OGDH: variants seen among roughly 807,000 people sequenced by gnomAD.
The protein encoded by OGDH is oxoglutarate dehydrogenase.
A neutral mutation model predicts 116.6 loss-of-function variants in OGDH; 38 were observed. The observed-to-expected ratio is 0.33, with a 90% CI of 0.25 to 0.43. The LOEUF is 0.43. OGDH is among the 20% of genes least tolerant of loss of function. The pLI is 1.00. For missense variants in OGDH, 825 were observed against 1,357.2 expected (o/e 0.61, Z 6.16); for synonymous variants, 488 against 533.3 (o/e 0.92, Z 1.17).
At chr7:44,668,168 G>T (rs191439575) in intron 5 of OGDH, among the ~76,000 whole-genome samples, 3 of 152,068 alleles carry the variant, frequency 2.0e-5, no homozygotes, top group Non-Finnish European at 2.9e-5. Context: ...GCCAGGCACA[G>T]TGTCTCACGC....
At chr7:44,702,705 A>T (rs887129905) in intron 20 of OGDH, among the ~76,000 whole-genome samples, 6 of 151,804 alleles carry the variant, frequency 4.0e-5, no homozygotes, top group African/African-American at 1.2e-4. Flanking sequence ...CCATTCTCCC[A>T]CCTCAGCCTC....
At chr7:44,638,738 C>T (rs1785787173) in intron 2 of OGDH, among the ~76,000 whole-genome samples, 1 of 152,232 alleles carries the variant, frequency 6.6e-6, no homozygotes, top group South Asian at 2.1e-4. Flanking sequence ...AGCCATCAGC[C>T]ACCAGGTGCC....
intron 4 of OGDH, among the ~76,000 whole-genome samples, chr7:44,650,922 C>T (rs1345026128): frequency 6.6e-6 from 1 of 152,202 alleles, no homozygotes; most frequent in Non-Finnish European, 1.5e-5. Flanking sequence ...GCTTAGCCGC[C>T]CTTCCCACCT....
chr7:44,634,179 C>G (rs928136467), intron 2 of OGDH, among the ~76,000 whole-genome samples: 1 of 152,238 alleles, frequency 6.6e-6, no homozygotes, highest in African/African-American at 2.4e-5. Flanking sequence ...CCCTGCCATC[C>G]TCCAGTAGGC....
At chr7:44,624,014 G>A (rs919617291) in intron 1 of OGDH, among the ~76,000 whole-genome samples, 1 of 152,040 alleles carries the variant, frequency 6.6e-6, no homozygotes, top group Non-Finnish European at 1.5e-5. Flanking sequence ...GCTCGCACAG[G>A]CATCCTGTGT....
In OGDH at chr7:44,708,121, C is replaced by T; in HGVS notation, c.*122C>T. ...ACCGCCCTCCTCGCTGTGCCACCAC[C>T]CCTCCCTCTGCTCTCATAGGAGTTA... On this transcript the variant is annotated 3_prime_UTR_variant, in exon 23 of 23. Coordinates refer to ENST00000222673, the MANE Select transcript of OGDH (RefSeq NM_002541.4). The T allele has an allele frequency of 1.5e-6, 2 of 1,335,372 alleles. No homozygotes were observed. The highest frequency in any genetic ancestry group is 2.5e-4 in the Middle Eastern group (1 of 3,996). 82.7% of individuals were successfully genotyped at this position (1,335,372 alleles called of 1,614,324 possible).
intron 10 of OGDH, among the ~76,000 whole-genome samples, chr7:44,691,683 T>C (rs918613027): frequency 6.6e-6 from 1 of 151,832 alleles, no homozygotes; most frequent in African/African-American, 2.4e-5. Flanking sequence ...AAAAGATTAA[T>C]ATCCTAGGGA....
intron 2 of OGDH, among the ~76,000 whole-genome samples, chr7:44,630,176 G>C (rs183642888): frequency 1.3e-4 from 20 of 152,364 alleles, no homozygotes; most frequent in African/African-American, 4.6e-4. Flanking sequence ...TCACTCTGCA[G>C]TGTTGAAACT....
In OGDH at chr7:44,694,581, G is replaced by T; in HGVS notation, c.1668+5G>T. On this transcript the variant is annotated splice_donor_5th_base_variant and intron_variant, in intron 12 of 22. Coordinates refer to ENST00000222673, the MANE Select transcript of OGDH (RefSeq NM_002541.4). The surrounding 1 kb of genome is among the most constrained non-coding windows in gnomAD (Gnocchi z 4.2). ...GTCAACCAGCCTGAGTATGAGGTAC[G>T]TCCCTGCGGCTCTATCCCAGTGCGC... 1 of 1,613,922 alleles carries T rather than the reference G, an allele frequency of 6.2e-7. No individual in the cohort carries two copies. Among genetic ancestry groups the T allele is most frequent in the Non-Finnish European group, 8.5e-7 (1 of 1,179,852 alleles).
At chr7:44,636,063 T>C (rs994372201) in intron 2 of OGDH, among the ~76,000 whole-genome samples, 1 of 152,156 alleles carries the variant, frequency 6.6e-6, no homozygotes, top group African/African-American at 2.4e-5. Context: ...AGCCTGTGTT[T>C]AGGACTTTTA....
chr7:44,681,447 A>T (rs917916153), intron 9 of OGDH, among the ~76,000 whole-genome samples: 2 of 152,154 alleles, frequency 1.3e-5, no homozygotes, highest in African/African-American at 4.8e-5. Context: ...CCGGGTAGTC[A>T]TGTTGGAGAG....
intron 20 of OGDH, 66 bp downstream of exon 20, chr7:44,701,681 C>T: frequency 1.4e-6 from 2 of 1,415,940 alleles, no homozygotes; most frequent in Non-Finnish European, 2.0e-6. Context: ...TGCTGCTGCT[C>T]TTTTACAGCT....
At chr7:44,679,393 T>A (rs1222113248) in intron 9 of OGDH, among the ~76,000 whole-genome samples, 2 of 152,200 alleles carry the variant, frequency 1.3e-5, no homozygotes, top group South Asian at 2.1e-4. Flanking sequence ...GTCCACATGC[T>A]GCTATCCTAG....
intron 2 of OGDH, among the ~76,000 whole-genome samples, chr7:44,643,336 TAA>T (rs1488553148): frequency 6.6e-6 from 1 of 152,124 alleles, no homozygotes; most frequent in Non-Finnish European, 1.5e-5. Context: ...TTGTTTTCTT[TAA>T]GTTATTTTTT....
chr7:44,654,364 T>A (rs550594898), intron 4 of OGDH, among the ~76,000 whole-genome samples: 1 of 152,342 alleles, frequency 6.6e-6, no homozygotes, highest in South Asian at 2.1e-4. Context: ...ACTACTTAGT[T>A]CTTGCCTTTC....
chr7:44,666,893 A>G, intron 5 of OGDH, 42 bp downstream of exon 5: 1 of 1,245,276 alleles, frequency 8.0e-7, no homozygotes, highest in Non-Finnish European at 1.2e-6. Context: ...CTTCTTAAGA[A>G]CTTGTATTGG....
Position 44,634,964 on chromosome 7 carries a change from C to T in OGDH, c.223-10363C>T, listed in dbSNP as rs556197686. ...TGTTTGGACATACAGGGTAGTCACA[C>T]ATATGGGTTTTAAATCTTGTTCTTA... On this transcript the variant is annotated intron_variant, in intron 2 of 22. Transcript: ENST00000222673. Among the ~76,000 whole-genome samples, 3 of 152,352 alleles carry T rather than the reference C, an allele frequency of 2.0e-5. No individual in the cohort carries two copies. In the East Asian group the frequency reaches 5.8e-4, roughly 29 times the overall value.
intron 4 of OGDH, among the ~76,000 whole-genome samples, chr7:44,657,932 G>T (rs1270700540): frequency 2.0e-5 from 3 of 152,044 alleles, no homozygotes; most frequent in African/African-American, 4.8e-5. Context: ...TTGTACTTTT[G>T]CCAAAAATCA....
intron 19 of OGDH, among the ~76,000 whole-genome samples, chr7:44,700,506 C>T (rs1788780226): frequency 6.6e-6 from 1 of 152,242 alleles, no homozygotes; most frequent in Non-Finnish European, 1.5e-5. Flanking sequence ...CTGAGCACCA[C>T]ATGCGGAGCA....
Sources: allele counts gnomAD v4.1 joint callset (sites outside exome capture counted in the v4.1 genomes callset), GRCh38; gene constraint gnomAD v4.1.1; non-coding constraint Gnocchi (gnomAD v3.1); transcripts MANE v1.5; gene names NCBI Gene and HGNC (gene_info 2026-07-23, HGNC 2026-07-21).